The following RP1 variants were observed in gnomAD, a reference collection of about 807,000 sequenced individuals.
The protein encoded by RP1 is oxygen-regulated protein 1.
A neutral mutation model predicts 14.8 loss-of-function variants in RP1; 16 were observed. The ratio of observed to expected loss-of-function variants is 1.08; its 90% CI spans 0.73 to 1.65. The LOEUF is 1.65. RP1 is among the 40% of genes most tolerant of loss of function. The pLI is 0.00. For synonymous variants in RP1, 876 were observed against 883.6 expected (o/e 0.99, Z 0.15); for missense variants, 2,631 against 2,535.0 (o/e 1.04, Z -0.81).
At chr8:54,773,452 C>G (rs1809956342), downstream of RP1, among the ~76,000 whole-genome samples, 1 of 152,040 alleles carries the variant, frequency 6.6e-6, no homozygotes, top group African/African-American at 2.4e-5. Flanking sequence ...GCCTGGCCAA[C>G]ATGGTGAAAC....
chr8:54,736,475 C>T (rs958004220), intron 18 of RP1, among the ~76,000 whole-genome samples: 3 of 152,148 alleles, frequency 2.0e-5, no homozygotes, highest in Non-Finnish European at 2.9e-5. Flanking sequence ...ATAATACTCA[C>T]TTAAAAGCCT....
chr8:54,658,508 G>A (rs1420783599), intron 6 of RP1, among the ~76,000 whole-genome samples: 1 of 124,506 alleles, frequency 8.0e-6, no homozygotes, highest in Non-Finnish European at 1.6e-5. Context: ...CCGAGATCCC[G>A]CCACTGCACT....
rs61233765 is a variant in RP1, at chr8:54,863,044, GATATATAT to G, written c.4070-2764_4070-2757del. On this transcript the variant is annotated intron_variant, in intron 27 of 28. Coordinates refer to the RP1 transcript ENST00000637698. ...CTCTACCCCCAGAGTATTCCAAATGGATATATATATATATATATATATATATATATATA... is the reference window on the plus strand; with the variant it reads ...CTCTACCCCCAGAGTATTCCAAATGGATATATATATATATATATATATATA... Among the ~76,000 whole-genome samples the G allele has an allele frequency of 8.6e-3, 881 of 101,850 alleles. 23 individuals carry two copies. The highest frequency in any genetic ancestry group is 0.073 in the East Asian group (217 of 2,976). The allele number at this position is 101,850 out of a possible 152,430, so 66.8% of individuals were successfully genotyped here.
At chr8:54,673,110 T>C (rs1056950335) in intron 7 of RP1, among the ~76,000 whole-genome samples, 7 of 152,212 alleles carry the variant, frequency 4.6e-5, no homozygotes, top group Non-Finnish European at 8.8e-5. Context: ...AAGAAAATAG[T>C]CTTATTATGT....
chr8:54,780,112 T>A (rs888907856), intron 23 of RP1, among the ~76,000 whole-genome samples: 3 of 152,232 alleles, frequency 2.0e-5, no homozygotes, highest in Non-Finnish European at 4.4e-5. Flanking sequence ...TGGGTTAGGC[T>A]TTTCAGGCCA....
chr8:54,692,344 G>A (rs1458959515), intron 12 of RP1, among the ~76,000 whole-genome samples: 1 of 129,734 alleles, frequency 7.7e-6, no homozygotes, highest in Non-Finnish European at 1.6e-5. Context: ...TAATAGGATG[G>A]CTGGGTCAAA....
chr8:54,683,385 A>G (rs1369976426), intron 12 of RP1, among the ~76,000 whole-genome samples: 2 of 152,146 alleles, frequency 1.3e-5, no homozygotes, highest in Non-Finnish European at 2.9e-5. Flanking sequence ...TCTATAAATT[A>G]CTTTGGGCAG....
chr8:54,849,001 G>A (rs1811995905), intron 25 of RP1, among the ~76,000 whole-genome samples: 2 of 152,052 alleles, frequency 1.3e-5, no homozygotes, highest in African/African-American at 4.8e-5. Context: ...CATCCACCTC[G>A]GCCTCCCAAA....
intron 17 of RP1, among the ~76,000 whole-genome samples, chr8:54,732,024 C>T (rs1033864719): frequency 2.0e-5 from 3 of 152,156 alleles, no homozygotes; most frequent in African/African-American, 7.2e-5. Context: ...TTGCCAACTC[C>T]CTTCCAGCTT....
intron 25 of RP1, among the ~76,000 whole-genome samples, chr8:54,838,220 A>C (rs1811708005): frequency 6.6e-6 from 1 of 152,194 alleles, no homozygotes; most frequent in East Asian, 1.9e-4. Flanking sequence ...ATGTTAACAA[A>C]TGTCAGCAAT....
intron 24 of RP1, among the ~76,000 whole-genome samples, chr8:54,793,455 T>C (rs1345578986): frequency 6.6e-6 from 1 of 151,824 alleles, no homozygotes; most frequent in Non-Finnish European, 1.5e-5. Flanking sequence ...CACAATTCAA[T>C]AGCACATTAA....
intron 19 of RP1, among the ~76,000 whole-genome samples, chr8:54,744,783 T>C (rs1809184746): frequency 6.6e-6 from 1 of 152,224 alleles, no homozygotes; most frequent in Non-Finnish European, 1.5e-5. Context: ...TGTGGCAAAA[T>C]TCAGTAATCT....
At chr8:54,577,818 A>C (rs763589379) in intron 1 of RP1, among the ~76,000 whole-genome samples, 1 of 152,204 alleles carries the variant, frequency 6.6e-6, no homozygotes, top group Non-Finnish European at 1.5e-5. Flanking sequence ...GTTCAACTGC[A>C]TTGTTAAACT....
Position 54,629,346 on chromosome 8 carries a change from C to A in RP1, c.5464C>A (p.Pro1822Thr). 6.2e-7 allele frequency: 1 copy of A among 1,614,064 alleles called. No individual in the cohort carries two copies. The highest frequency in any genetic ancestry group is 1.3e-5 in the African/African-American group (1 of 75,052). Residue 1822 changes from proline (P) to threonine (T), a missense_variant, in exon 4 of 4, where the codon CCT (proline) becomes ACT (threonine). Transcript: ENST00000220676. ...LELKCNYFNM[P>T]HGSDSEPFHE... ...ACTAAAATGCAATTACTTTAACATG[C>A]CTCATGGTAGTGACTCAGAACCTTT...
At chr8:54,708,762 T>G (rs1808223471) in intron 15 of RP1, among the ~76,000 whole-genome samples, 1 of 151,826 alleles carries the variant, frequency 6.6e-6, no homozygotes, top group South Asian at 2.1e-4. Flanking sequence ...TTCTTCCCAG[T>G]GAGTAAACTT....
intron 1 of RP1, among the ~76,000 whole-genome samples, chr8:54,604,603 A>G (rs1250240402): frequency 6.6e-6 from 1 of 152,210 alleles, no homozygotes; most frequent in East Asian, 1.9e-4. Context: ...GAATAGTTTC[A>G]GAAGGAATGA....
At chr8:54,762,306 C>T (rs970779924) in intron 22 of RP1, among the ~76,000 whole-genome samples, 3 of 151,988 alleles carry the variant, frequency 2.0e-5, no homozygotes, top group South Asian at 4.2e-4. Context: ...TTTGTGGGCT[C>T]GGGGGAAATG....
At chr8:54,776,111 G>A (rs917129993) in intron 23 of RP1, among the ~76,000 whole-genome samples, 3 of 152,176 alleles carry the variant, frequency 2.0e-5, no homozygotes, top group Non-Finnish European at 4.4e-5. Context: ...TACTGTGTTA[G>A]TTATAAGTAA....
At chr8:54,784,906 A>C (rs1810280682) in intron 24 of RP1, among the ~76,000 whole-genome samples, 1 of 151,802 alleles carries the variant, frequency 6.6e-6, no homozygotes, top group East Asian at 1.9e-4. Flanking sequence ...ACATTCATTC[A>C]TTTTTTATTA....
Sources: gnomAD v4.1 joint callset for allele counts (sites outside exome capture counted in the v4.1 genomes callset) on GRCh38, gnomAD v4.1.1 for gene constraint, MANE v1.5 for transcripts, NCBI Gene and HGNC (gene_info 2026-07-23, HGNC 2026-07-21) for gene names.